ADGRB3: variants seen among roughly 807,000 people sequenced by gnomAD.
ADGRB3 encodes adhesion G protein-coupled receptor B3, also known as brain-specific angiogenesis inhibitor 3.
Under a neutral mutation model 193.4 loss-of-function variants are expected in ADGRB3, and 37 were observed. The ratio of observed to expected loss-of-function variants is 0.19; its 90% CI spans 0.15 to 0.25. The LOEUF is 0.25. Ranked by LOEUF, ADGRB3 falls within the 10% of genes least tolerant of loss-of-function variation. The pLI, the probability that ADGRB3 is intolerant of heterozygous loss-of-function variation, is 1.00. For missense variants in ADGRB3, 1,637 were observed against 1,852.9 expected (o/e 0.88, Z 2.14); for synonymous variants, 690 against 644.2 (o/e 1.07, Z -1.08).
At chr6:68,985,441 C>A (rs550184708) in intron 10 of ADGRB3, among the ~76,000 whole-genome samples, 74 of 152,276 alleles carry the variant, frequency 4.9e-4, no homozygotes, top group Admixed American at 1.6e-3. Context: ...TAGCATCATA[C>A]CATCACAAAA....
At chr6:68,751,652 A>G (rs1052325648) in intron 3 of ADGRB3, among the ~76,000 whole-genome samples, 15 of 152,174 alleles carry the variant, frequency 9.9e-5, no homozygotes, top group Admixed American at 5.2e-4. Flanking sequence ...CTGTAGAGAA[A>G]TAAGAAAAGC....
intron 28 of ADGRB3, among the ~76,000 whole-genome samples, chr6:69,359,759 T>G (rs978747241): frequency 6.6e-6 from 1 of 151,926 alleles, no homozygotes; most frequent in African/African-American, 2.4e-5. Flanking sequence ...AAATTTTAAA[T>G]GATGATTGCT....
chr6:68,914,061 G>A (rs371020793), intron 3 of ADGRB3, among the ~76,000 whole-genome samples: 9 of 151,890 alleles, frequency 5.9e-5, no homozygotes, highest in African/African-American at 9.7e-5. Flanking sequence ...CCAAATCTAC[G>A]TCTGATTGGT....
At chr6:69,242,193 T>A (rs1488899089) in intron 20 of ADGRB3, among the ~76,000 whole-genome samples, 1 of 151,930 alleles carries the variant, frequency 6.6e-6, no homozygotes, top group African/African-American at 2.4e-5. Context: ...AAGTGTGTTG[T>A]CTGTATAAAC....
intron 3 of ADGRB3, among the ~76,000 whole-genome samples, chr6:68,789,766 T>C (rs1041268460): frequency 6.6e-6 from 1 of 152,214 alleles, no homozygotes; most frequent in Non-Finnish European, 1.5e-5. Flanking sequence ...TTGGTTCCAT[T>C]CTCCCCATCA....
chr6:69,033,935 C>T (rs1008068753), intron 13 of ADGRB3, among the ~76,000 whole-genome samples: 3 of 151,886 alleles, frequency 2.0e-5, no homozygotes, highest in Non-Finnish European at 4.4e-5. Context: ...AAAGTAGAAG[C>T]GAACTGTTCA....
At chr6:68,864,591 A>G (rs1480962592) in intron 3 of ADGRB3, among the ~76,000 whole-genome samples, 2 of 152,214 alleles carry the variant, frequency 1.3e-5, no homozygotes, top group African/African-American at 2.4e-5. Flanking sequence ...TGAACTGAAG[A>G]CAAAATAAAC....
Position 68,827,668 on chromosome 6 carries a change from G to T in ADGRB3, c.758-102891G>T, listed in dbSNP as rs183612247. On this transcript the variant is annotated intron_variant, in intron 3 of 31. Transcript: ENST00000370598. ...ATGTTTATCTTCAGGGTTTTTTTTGGGGGGGAGGGGGTTCTATAGTTGTGG... is the reference window on the plus strand; with the variant it reads ...ATGTTTATCTTCAGGGTTTTTTTTGTGGGGGAGGGGGTTCTATAGTTGTGG... Among the ~76,000 whole-genome samples, 196 of 151,892 alleles carry T rather than the reference G, an allele frequency of 1.3e-3. 3 individuals carry two copies. Among genetic ancestry groups the T allele is most frequent in the East Asian group, 9.7e-4 (5 of 5,150 alleles).
intron 3 of ADGRB3, among the ~76,000 whole-genome samples, chr6:68,870,972 A>T (rs1171877001): frequency 2.0e-5 from 3 of 152,124 alleles, no homozygotes; most frequent in Non-Finnish European, 4.4e-5. Context: ...ATAGAGCCCT[A>T]TTCATTTAAT....
At chr6:69,375,311 G>C (rs1036126418) in intron 30 of ADGRB3, among the ~76,000 whole-genome samples, 1 of 152,104 alleles carries the variant, frequency 6.6e-6, no homozygotes, top group Admixed American at 6.6e-5. Flanking sequence ...AGGGTGAAAG[G>C]TGAAGTAGAA....
At chr6:68,877,344 G>A (rs1286502810) in intron 3 of ADGRB3, among the ~76,000 whole-genome samples, 3 of 151,594 alleles carry the variant, frequency 2.0e-5, no homozygotes, top group Non-Finnish European at 2.9e-5. Flanking sequence ...AGAAAAACAA[G>A]ATGAATAGTG....
chr6:69,166,359 T>A (rs1215893528), intron 17 of ADGRB3, among the ~76,000 whole-genome samples: 1 of 152,112 alleles, frequency 6.6e-6, no homozygotes, highest in African/African-American at 2.4e-5. Flanking sequence ...AGAGCCTTGG[T>A]TGGTCACATT....
chr6:69,202,922 G>T (rs1363011005), intron 17 of ADGRB3, among the ~76,000 whole-genome samples: 2 of 152,122 alleles, frequency 1.3e-5, no homozygotes, highest in Non-Finnish European at 2.9e-5. Context: ...TTAGCAGAAC[G>T]TTGGAGTTAC....
At chr6:69,011,352 A>T (rs1228835335) in intron 11 of ADGRB3, among the ~76,000 whole-genome samples, 1 of 152,134 alleles carries the variant, frequency 6.6e-6, no homozygotes, top group East Asian at 1.9e-4. Flanking sequence ...GGAGGCCATT[A>T]TCCTAAGCAA....
intron 13 of ADGRB3, among the ~76,000 whole-genome samples, chr6:69,035,927 A>G (rs561198441): frequency 6.6e-6 from 1 of 152,284 alleles, no homozygotes; most frequent in South Asian, 2.1e-4. Context: ...TACACAGGGA[A>G]TGCATATTTT....
At position 69,239,227 on chromosome 6, in the gene ADGRB3, G is replaced by T. The variant is rs1209914373; in HGVS notation, c.2814+1G>T. ...TGGACAGACTCAGACACATAATAAG[G>T]TATGACTGGTAATTATTCTGATTCT... On this transcript the variant is annotated splice_donor_variant, in intron 20 of 31. Transcript: ENST00000370598. LOFTEE classifies it high-confidence loss of function. 1 of 1,513,362 alleles carries T rather than the reference G, an allele frequency of 6.6e-7. No individual in the cohort carries two copies. The highest frequency in any genetic ancestry group is 1.7e-5 in the Admixed American group (1 of 57,424). 93.7% of individuals were successfully genotyped at this position (1,513,362 alleles called of 1,614,324 possible).
chr6:68,713,824 T>C (rs963910662), intron 3 of ADGRB3, among the ~76,000 whole-genome samples: 2 of 151,730 alleles, frequency 1.3e-5, no homozygotes, highest in Non-Finnish European at 2.9e-5. Flanking sequence ...ATATTTATTA[T>C]CCCATGATAA....
chr6:68,684,839 G>C (rs1284374248), intron 3 of ADGRB3, among the ~76,000 whole-genome samples: 1 of 151,838 alleles, frequency 6.6e-6, no homozygotes, highest in Non-Finnish European at 1.5e-5. Context: ...ATATATTCCT[G>C]AAATCAAGTA....
intron 20 of ADGRB3, among the ~76,000 whole-genome samples, chr6:69,289,064 C>A (rs1239037358): frequency 6.6e-6 from 1 of 152,106 alleles, no homozygotes; most frequent in Non-Finnish European, 1.5e-5. Flanking sequence ...AGAAGGGTCC[C>A]TATCCTGAGG....
Sources: allele counts gnomAD v4.1 joint callset (sites outside exome capture counted in the v4.1 genomes callset), GRCh38; gene constraint gnomAD v4.1.1; transcripts MANE v1.5; gene names NCBI Gene and HGNC (gene_info 2026-07-23, HGNC 2026-07-21).